Variants in GRID2 observed in about 807,000 individuals in gnomAD.
The protein encoded by GRID2 is glutamate receptor ionotropic, delta-2.
A neutral mutation model predicts 114.8 loss-of-function variants in GRID2; 33 were observed. The observed-to-expected ratio is 0.29, with a 90% CI of 0.22 to 0.38. The LOEUF (loss-of-function observed/expected upper bound fraction) is 0.38. Among genes scored for constraint, GRID2 ranks in the 10% least tolerant of loss-of-function variants. GRID2 has a pLI of 1.00. For synonymous variants in GRID2, 505 were observed against 449.9 expected (o/e 1.12, Z -1.55); for missense variants, 1,184 against 1,257.7 (o/e 0.94, Z 0.89).
intron 2 of GRID2, among the ~76,000 whole-genome samples, chr4:93,061,451 T>C (rs1727801478): frequency 6.6e-6 from 1 of 152,008 alleles, no homozygotes; most frequent in South Asian, 2.1e-4. Flanking sequence ...GTAAGTCATA[T>C]GGCCAAGCTT....
At chr4:92,893,715 G>A (rs549557993) in intron 2 of GRID2, among the ~76,000 whole-genome samples, 2 of 152,190 alleles carry the variant, frequency 1.3e-5, no homozygotes, top group African/African-American at 4.8e-5. Flanking sequence ...TGGCACAGGT[G>A]AAAGAAATTA....
chr4:92,340,873 T>C (rs1727444854), intron 1 of GRID2, among the ~76,000 whole-genome samples: 1 of 152,154 alleles, frequency 6.6e-6, no homozygotes, highest in Non-Finnish European at 1.5e-5. Flanking sequence ...AACTTCTCTG[T>C]CTCTGAGTTT....
At chr4:93,705,861 G>A (rs1272841404) in intron 14 of GRID2, among the ~76,000 whole-genome samples, 1 of 152,062 alleles carries the variant, frequency 6.6e-6, no homozygotes, top group African/African-American at 2.4e-5. Flanking sequence ...TTTGCATATG[G>A]TCAGAGATAG....
chr4:92,903,310 A>G (rs1199345076), intron 2 of GRID2, among the ~76,000 whole-genome samples: 2 of 151,942 alleles, frequency 1.3e-5, no homozygotes, highest in East Asian at 1.9e-4. Context: ...TCAGGCAGAT[A>G]CTATGTGGGT....
chr4:93,510,006 G>C (rs552541027), intron 12 of GRID2, among the ~76,000 whole-genome samples: 1 of 152,190 alleles, frequency 6.6e-6, no homozygotes, highest in African/African-American at 2.4e-5. Flanking sequence ...AGCATCCAAA[G>C]GAGAAAACTG....
At chr4:92,561,553 G>C (rs1369430718) in intron 1 of GRID2, among the ~76,000 whole-genome samples, 1 of 152,138 alleles carries the variant, frequency 6.6e-6, no homozygotes, top group Non-Finnish European at 1.5e-5. Flanking sequence ...CTTCTACAGA[G>C]CAGGATATAT....
intron 2 of GRID2, among the ~76,000 whole-genome samples, chr4:92,740,427 C>G (rs1736816328): frequency 6.6e-6 from 1 of 152,162 alleles, no homozygotes; most frequent in Admixed American, 6.6e-5. Flanking sequence ...AGGGCTGTCA[C>G]ATCACTGAAA....
intron 8 of GRID2, among the ~76,000 whole-genome samples, chr4:93,251,760 C>A (rs1433952013): frequency 6.6e-6 from 1 of 152,086 alleles, no homozygotes; most frequent in Non-Finnish European, 1.5e-5. Context: ...TGAGAACATG[C>A]AGTATTTGGT....
chr4:93,213,111 G>A (rs1457168698), intron 5 of GRID2, among the ~76,000 whole-genome samples: 1 of 151,990 alleles, frequency 6.6e-6, no homozygotes, highest in Admixed American at 6.6e-5. Context: ...GATTTAAAAA[G>A]CCTATATGTG....
At chr4:93,594,225 G>A (rs552014201) in intron 13 of GRID2, among the ~76,000 whole-genome samples, 4 of 152,088 alleles carry the variant, frequency 2.6e-5, no homozygotes, top group Admixed American at 2.6e-4. Context: ...TGTACAGATG[G>A]GTTTTTGGTG....
At chr4:93,684,527 C>A (rs541974586) in intron 14 of GRID2, among the ~76,000 whole-genome samples, 11 of 152,014 alleles carry the variant, frequency 7.2e-5, no homozygotes, top group Admixed American at 7.2e-4. Context: ...AAAGAGAATG[C>A]TAAATTAATG....
intron 2 of GRID2, among the ~76,000 whole-genome samples, chr4:92,858,362 C>G (rs139826724): frequency 2.5e-4 from 38 of 152,166 alleles, no homozygotes; most frequent in African/African-American, 8.7e-4. Flanking sequence ...TGGGGGAGGT[C>G]AAAATATCAA....
chr4:93,141,406 T>C (rs1735754969), intron 4 of GRID2, among the ~76,000 whole-genome samples: 1 of 152,164 alleles, frequency 6.6e-6, no homozygotes, highest in Non-Finnish European at 1.5e-5. Flanking sequence ...CCTGATATCC[T>C]GGCAGTTACC....
chr4:92,335,226 AC>A (rs1398310082), intron 1 of GRID2, among the ~76,000 whole-genome samples: 1 of 152,208 alleles, frequency 6.6e-6, no homozygotes. Flanking sequence ...GTGGTATATT[AC>A]AAAGTTTGGC....
At chr4:93,667,095 G>C (rs1044472135) in intron 14 of GRID2, among the ~76,000 whole-genome samples, 1 of 151,972 alleles carries the variant, frequency 6.6e-6, no homozygotes, top group Non-Finnish European at 1.5e-5. Context: ...AAATAAATTG[G>C]CTTTTGCCTT....
intron 14 of GRID2, among the ~76,000 whole-genome samples, chr4:93,689,006 A>G (rs1726314731): frequency 6.6e-6 from 1 of 152,030 alleles, no homozygotes; most frequent in African/African-American, 2.4e-5. Context: ...TAATTAAGTG[A>G]AAGTGAGGTC....
chr4:93,071,075 T>C (rs753332975), intron 2 of GRID2, among the ~76,000 whole-genome samples: 8 of 152,096 alleles, frequency 5.3e-5, no homozygotes, highest in Admixed American at 2.0e-4. Context: ...ATAGTGTGCA[T>C]AGGGAATGCC....
intron 1 of GRID2, among the ~76,000 whole-genome samples, chr4:92,588,885 G>A (rs1242480906): frequency 2.0e-5 from 3 of 151,758 alleles, no homozygotes; most frequent in Admixed American, 6.6e-5. Flanking sequence ...AGTGGATCAC[G>A]TGAGGTCAGG....
At chr4:92,749,981 C>A (rs1737365688) in intron 2 of GRID2, among the ~76,000 whole-genome samples, 1 of 152,134 alleles carries the variant, frequency 6.6e-6, no homozygotes, top group African/African-American at 2.4e-5. Context: ...CCTGCCTCAG[C>A]CTCCCGAGTA....
Sources: allele counts gnomAD v4.1 joint callset (sites outside exome capture counted in the v4.1 genomes callset), GRCh38; gene constraint gnomAD v4.1.1; transcripts MANE v1.5; gene names NCBI Gene and HGNC (gene_info 2026-07-23, HGNC 2026-07-21).